LPXN: variants seen among roughly 807,000 people sequenced by gnomAD.
LPXN encodes the protein leupaxin.
In LPXN, 28 loss-of-function variants were observed where a neutral mutation model predicts 45.6. That is an observed-to-expected ratio of 0.61 (90% CI 0.45 to 0.84). The LOEUF (loss-of-function observed/expected upper bound fraction) is 0.84, where lower values mean the gene tolerates loss of function less well. Among genes scored for constraint, LPXN ranks in the 40% least tolerant of loss-of-function variants. The pLI is 0.00. For missense variants in LPXN, 459 were observed against 475.0 expected (o/e 0.97, Z 0.31); for synonymous variants, 166 against 169.9 (o/e 0.98, Z 0.18).
intron 2 of LPXN, among the ~76,000 whole-genome samples, chr11:58,566,939 A>G (rs899004810): frequency 9.9e-5 from 15 of 152,128 alleles, no homozygotes; most frequent in African/African-American, 3.6e-4. Flanking sequence ...GTTTCCTTGC[A>G]TGGTAGTGTT....
intron 7 of LPXN, among the ~76,000 whole-genome samples, chr11:58,538,836 C>T (rs150805160): frequency 3.0e-4 from 46 of 151,812 alleles, no homozygotes; most frequent in Non-Finnish European, 5.6e-4. Context: ...GAACTTATTA[C>T]AGGTAGATTA....
At chr11:58,543,279 T>C (rs962501250) in intron 7 of LPXN, among the ~76,000 whole-genome samples, 4 of 152,176 alleles carry the variant, frequency 2.6e-5, no homozygotes, top group African/African-American at 9.6e-5. Flanking sequence ...TAAATATCTA[T>C]TGAATGAGCT....
chr11:58,550,289 C>T (rs1854011233), intron 5 of LPXN, 143 bp from the exon 6 acceptor site: 3 of 769,754 alleles, frequency 3.9e-6, no homozygotes, highest in Admixed American at 4.9e-5. Flanking sequence ...AGGCCTAGAC[C>T]TAGGTTCCAC....
In LPXN at chr11:58,570,596, G is replaced by A. The variant is rs751515975; in HGVS notation, c.131C>T (p.Ser44Leu). The A allele has an allele frequency of 1.2e-5, 19 of 1,613,194 alleles. No individual in the cohort carries two copies. The highest frequency in any genetic ancestry group is 5.5e-5 in the South Asian group (5 of 91,048). Reference protein sequence around the residue: ...SRKETNLDETSEILSIQDNTS... With the variant: ...SRKETNLDETLEILSIQDNTS... ...GTTATCCTGAATAGAAAGGATCTCC[G>A]AAGTCTCATCAAGGTTAGTCTCCTT... The change falls in exon 2 of 9, where the codon TCG becomes TTG. Residue 44 changes from serine (S) to leucine (L), a missense_variant. Coordinates refer to ENST00000395074, the MANE Select transcript of LPXN (RefSeq NM_004811.3).
intron 7 of LPXN, among the ~76,000 whole-genome samples, chr11:58,533,417 A>C (rs543186175): frequency 6.6e-6 from 1 of 152,328 alleles, no homozygotes; most frequent in African/African-American, 2.4e-5. Flanking sequence ...TATCCAGCCA[A>C]ACTAAGCTTC....
intron 7 of LPXN, among the ~76,000 whole-genome samples, chr11:58,540,264 T>C (rs1208693721): frequency 6.6e-6 from 1 of 151,962 alleles, no homozygotes; most frequent in Non-Finnish European, 1.5e-5. Context: ...AAATAAATAG[T>C]ATAAAAAAGC....
In LPXN at chr11:58,539,570, T is replaced by C. The variant is rs555812787; in HGVS notation, c.742+10216A>G. Among the ~76,000 whole-genome samples the C allele has an allele frequency of 4.6e-5, 7 of 152,264 alleles. No individual in the cohort carries two copies. The East Asian group carries it at 1.4e-3, about 29-fold the overall frequency. On this transcript the variant is annotated intron_variant, in intron 7 of 8. Transcript: ENST00000395074. The stretch of plus-strand genomic sequence containing the variant: ...GTAACCAAATTGAAGGGGCTACCTC[T>C]GACCTCAGATAAAAAAATTTGAGCA...
intron 2 of LPXN, among the ~76,000 whole-genome samples, chr11:58,568,001 T>C (rs570918382): frequency 6.6e-6 from 1 of 152,334 alleles, no homozygotes; most frequent in African/African-American, 2.4e-5. Context: ...TTGTATGACA[T>C]TAAGCCACAA....
intron 7 of LPXN, among the ~76,000 whole-genome samples, chr11:58,528,740 A>AT: frequency 6.6e-6 from 1 of 152,240 alleles, no homozygotes; most frequent in Non-Finnish European, 1.5e-5. Context: ...CTGATATTTT[A>AT]AAATAAAATA....
intron 7 of LPXN, among the ~76,000 whole-genome samples, chr11:58,547,078 A>AGTG (rs1414503657): frequency 1.3e-5 from 2 of 152,196 alleles, no homozygotes; most frequent in Admixed American, 1.3e-4. Flanking sequence ...AGATGCAGTT[A>AGTG]GTGGTATCAG....
At chr11:58,551,007 T>C (rs1158054317) in intron 5 of LPXN, 58 bp downstream of exon 5, 3 of 1,439,870 alleles carry the variant, frequency 2.1e-6, no homozygotes, top group Non-Finnish European at 2.8e-6. Flanking sequence ...AGAGCAAACC[T>C]TGATGAGACA....
chr11:58,577,909 G>A, upstream of LPXN: 2 of 1,221,294 alleles, frequency 1.6e-6, no homozygotes, highest in Admixed American at 2.8e-5. Context: ...ATTTGATTAA[G>A]AGCCAACTGA....
chr11:58,558,023 T>C (rs1223587871), intron 3 of LPXN, among the ~76,000 whole-genome samples: 2 of 151,066 alleles, frequency 1.3e-5, no homozygotes, highest in Non-Finnish European at 3.0e-5. Context: ...AAAAACAAAA[T>C]AGGAGGGGTG....
At chr11:58,546,964 C>T (rs998248530) in intron 7 of LPXN, among the ~76,000 whole-genome samples, 2 of 152,086 alleles carry the variant, frequency 1.3e-5, no homozygotes, top group Admixed American at 1.3e-4. Context: ...AGTGCCCCAT[C>T]ACCACCAAGA....
chr11:58,542,330 TTAAA>T (rs1476863675), intron 7 of LPXN, among the ~76,000 whole-genome samples: 1 of 152,044 alleles, frequency 6.6e-6, no homozygotes, highest in Admixed American at 6.6e-5. Context: ...AAAAACAGTG[TTAAA>T]TAAATATACT....
At chr11:58,576,594 C>T (rs545177903), upstream of LPXN, among the ~76,000 whole-genome samples, 17 of 152,294 alleles carry the variant, frequency 1.1e-4, no homozygotes, top group South Asian at 3.5e-3. Context: ...TTACAAAAGG[C>T]CTACTATAAA....
At chr11:58,563,113 C>T (rs1854427534) in intron 3 of LPXN, among the ~76,000 whole-genome samples, 2 of 152,216 alleles carry the variant, frequency 1.3e-5, no homozygotes, top group South Asian at 4.1e-4. Context: ...CATGCATTCA[C>T]TCGCATTTCT....
chr11:58,565,768 A>G (rs1248114872), intron 2 of LPXN, among the ~76,000 whole-genome samples: 3 of 152,236 alleles, frequency 2.0e-5, no homozygotes, highest in African/African-American at 4.8e-5. Context: ...GCATCATTTG[A>G]GGTCAGGAGA....
At chr11:58,557,146 G>A (rs182263393) in intron 3 of LPXN, among the ~76,000 whole-genome samples, 8 of 152,192 alleles carry the variant, frequency 5.3e-5, no homozygotes, top group Admixed American at 3.9e-4. Context: ...GGTTTCTAAA[G>A]GAATTAAAAA....
Sources: gnomAD v4.1 joint callset for allele counts (sites outside exome capture counted in the v4.1 genomes callset) on GRCh38, gnomAD v4.1.1 for gene constraint, MANE v1.5 for transcripts, NCBI Gene and HGNC (gene_info 2026-07-23, HGNC 2026-07-21) for gene names.